The following NAV3 variants were observed in gnomAD, a reference collection of about 807,000 sequenced individuals.
NAV3 encodes the protein neuron navigator 3, also known as pore membrane and/or filament interacting like protein 1.
A neutral mutation model predicts 244.7 loss-of-function variants in NAV3; 87 were observed. The observed-to-expected ratio is 0.36, with a 90% CI of 0.30 to 0.42. NAV3 has a LOEUF of 0.42. Among genes scored for constraint, NAV3 ranks in the 20% least tolerant of loss-of-function variants. NAV3 has a pLI of 1.00. For synonymous variants in NAV3, 1,126 were observed against 1,042.2 expected, an observed-to-expected ratio of 1.08 and a Z score of -1.55; for missense variants, 2,663 against 2,893.3, an observed-to-expected ratio of 0.92 and a Z score of 1.83.
At chr12:77,821,884 T>A (rs538519890) in intron 2 of NAV3, among the ~76,000 whole-genome samples, 2 of 152,256 alleles carry the variant, frequency 1.3e-5, no homozygotes, top group South Asian at 4.1e-4. Context: ...GCATAACTGT[T>A]TTTTTAGGTT....
At chr12:77,812,692 T>G (rs1176842504) in intron 2 of NAV3, among the ~76,000 whole-genome samples, 1 of 152,132 alleles carries the variant, frequency 6.6e-6, no homozygotes, top group African/African-American at 2.4e-5. Context: ...CCTCCCAAAG[T>G]GCTAGGATTA....
intron 5 of NAV3, among the ~76,000 whole-genome samples, chr12:77,980,098 G>A (rs76007154): frequency 0.013 from 2,051 of 152,130 alleles, 30 homozygotes; most frequent in South Asian, 0.037. Flanking sequence ...GGGGCTTGGC[G>A]TCTTATTGTC....
chr12:77,717,638 T>C (rs913823870), intron 2 of NAV3, among the ~76,000 whole-genome samples: 1 of 152,130 alleles, frequency 6.6e-6, no homozygotes, highest in Non-Finnish European at 1.5e-5. Flanking sequence ...CTGCATCATA[T>C]GGTATTTTTA....
In NAV3 at chr12:78,128,682, T is replaced by C. The variant is rs759632157; in HGVS notation, c.4281-24T>C. 8.1e-6 allele frequency: 13 copies of C among 1,607,972 alleles called. No individual in the cohort carries two copies. The Admixed American group carries it at 8.5e-5, about 10-fold the overall frequency. ...CCTTGCCCTTGTAGATGTGCTTAAG[T>C]GTCATAGCTGTGCTGTTTTGCAGAT... On this transcript the variant is annotated intron_variant, in intron 17 of 39. Coordinates refer to ENST00000397909, the MANE Select transcript of NAV3 (RefSeq NM_001024383.2).
intron 22 of NAV3, among the ~76,000 whole-genome samples, chr12:78,155,245 C>G (rs781756191): frequency 6.6e-6 from 1 of 152,078 alleles, no homozygotes; most frequent in Non-Finnish European, 1.5e-5. Context: ...CATCGTTCTA[C>G]TCCCACTTAT....
At chr12:77,594,199 C>T (rs1030816163) in intron 2 of NAV3, among the ~76,000 whole-genome samples, 28 of 151,952 alleles carry the variant, frequency 1.8e-4, no homozygotes, top group Non-Finnish European at 5.9e-5. Context: ...TTTAATTATT[C>T]CTATTACCCA....
chr12:77,831,415 G>T lies in NAV3; in HGVS notation c.-47G>T, dbSNP rs763424586. 3 of 1,545,032 alleles carry T rather than the reference G, an allele frequency of 1.9e-6. No homozygotes were observed. ...TAAAGTTGGAGTCTACCAGACTGAG[G>T]TTAGAAGCATTTTCTTTGGCAGCAA... On this transcript the variant is annotated 5_prime_UTR_variant, in exon 1 of 40. Transcript: ENST00000397909.
chr12:77,752,385 CA>C (rs1323748680), intron 2 of NAV3, among the ~76,000 whole-genome samples: 2 of 152,046 alleles, frequency 1.3e-5, no homozygotes, highest in African/African-American at 4.8e-5. Flanking sequence ...CCTGAATGTA[CA>C]AATACCCACG....
At chr12:77,916,086 A>G (rs1306915109) in intron 1 of NAV3, among the ~76,000 whole-genome samples, 1 of 152,060 alleles carries the variant, frequency 6.6e-6, no homozygotes, top group Non-Finnish European at 1.5e-5. Flanking sequence ...AGATGGTGAT[A>G]TTTGATCAGA....
intron 1 of NAV3, among the ~76,000 whole-genome samples, chr12:77,854,153 G>A (rs1877985678): frequency 6.6e-6 from 1 of 152,048 alleles, no homozygotes; most frequent in Non-Finnish European, 1.5e-5. Flanking sequence ...TTCAGACATA[G>A]CCTAATTAGT....
At chr12:77,749,729 C>G (rs938013879) in intron 2 of NAV3, among the ~76,000 whole-genome samples, 2 of 152,058 alleles carry the variant, frequency 1.3e-5, no homozygotes, top group Non-Finnish European at 2.9e-5. Flanking sequence ...AAGTCATGCA[C>G]TTGTTGCATT....
intron 8 of NAV3, among the ~76,000 whole-genome samples, chr12:78,012,621 G>A (rs1341877706): frequency 2.0e-5 from 3 of 151,854 alleles, no homozygotes; most frequent in African/African-American, 4.8e-5. Flanking sequence ...TGGCATATAT[G>A]TTCATTTATG....
At position 77,894,529 on chromosome 12, in the gene NAV3, A is replaced by G. The variant is rs574596665; in HGVS notation, c.244-45790A>G. ...AACATGAGAGAGAAACTTGATTAATAGAAAGAACCAAATTATCGAGATTTG... is the reference window on the plus strand; with the variant it reads ...AACATGAGAGAGAAACTTGATTAATGGAAAGAACCAAATTATCGAGATTTG... On this transcript the variant is annotated intron_variant, in intron 1 of 39. Transcript: ENST00000397909. Among the ~76,000 whole-genome samples, 7 of 151,752 alleles carry G rather than the reference A, an allele frequency of 4.6e-5. No individual in the cohort carries two copies. The South Asian group carries it at 1.5e-3, about 32-fold the overall frequency.
In NAV3 at chr12:77,728,756, A is replaced by C. The variant is rs192351460; in HGVS notation, c.72+156490A>C. 2.8e-3 allele frequency among the ~76,000 whole-genome samples: 426 copies of C among 151,984 alleles called. 1 individual carries two copies. The highest frequency in any genetic ancestry group is 5.1e-3 in the Non-Finnish European group (347 of 67,916). ...ACTTACATATAGTTGACCCTGGAAT[A>C]GCATGGGTTTGAACTACACGGGTCC... On this transcript the variant is annotated intron_variant, in intron 2 of 8. Coordinates refer to the NAV3 transcript ENST00000550042.
intron 2 of NAV3, among the ~76,000 whole-genome samples, chr12:77,575,247 A>G (rs147039413): frequency 6.6e-6 from 1 of 152,182 alleles, no homozygotes; most frequent in Non-Finnish European, 1.5e-5. Flanking sequence ...CTGATAAACT[A>G]CAGATGTGTA....
intron 1 of NAV3, among the ~76,000 whole-genome samples, chr12:77,911,756 T>C (rs985993827): frequency 2.0e-5 from 3 of 152,236 alleles, no homozygotes; most frequent in Admixed American, 1.3e-4. Context: ...TATGACCAAA[T>C]GTGTTTATTT....
chr12:78,133,168 A>G (rs950933926), intron 18 of NAV3, among the ~76,000 whole-genome samples: 4 of 152,122 alleles, frequency 2.6e-5, no homozygotes, highest in African/African-American at 9.7e-5. Flanking sequence ...GTGTCAACAT[A>G]ATCTCATGTA....
chr12:78,050,837 C>T lies in NAV3; in HGVS notation c.2206C>T (p.Arg736Ter), dbSNP rs1882636995. The T allele has an allele frequency of 6.2e-7, 1 of 1,613,844 alleles. No individual in the cohort carries two copies. The highest frequency in any genetic ancestry group is 8.5e-7 in the Non-Finnish European group (1 of 1,179,832). The change falls in exon 11 of 40, where the codon CGA (arginine) becomes TGA (stop). Residue 736 changes from arginine to a stop codon, truncating the protein, a stop_gained. Coordinates refer to ENST00000397909, the MANE Select transcript of NAV3 (RefSeq NM_001024383.2). LOFTEE classifies it high-confidence loss of function. Reference sequence around the variant, plus strand: ...AAGGACCATACCCAACTTGACAAGTCGACCCACCCCCATGACCTGGAGGTT... The same window carrying T: ...AAGGACCATACCCAACTTGACAAGTTGACCCACCCCCATGACCTGGAGGTT... ...NGRTIPNLTS[R>*]PTPMTWRLGQ...
At chr12:77,871,459 C>T (rs1293330850) in intron 1 of NAV3, among the ~76,000 whole-genome samples, 1 of 152,092 alleles carries the variant, frequency 6.6e-6, no homozygotes, top group Admixed American at 6.6e-5. Flanking sequence ...CCCAACAGGC[C>T]CAGGTGTGCA....
Sources: gnomAD v4.1 joint callset for allele counts (sites outside exome capture counted in the v4.1 genomes callset) on GRCh38, gnomAD v4.1.1 for gene constraint, MANE v1.5 for transcripts, NCBI Gene and HGNC (gene_info 2026-07-23, HGNC 2026-07-21) for gene names.